The following SLC25A21 variants were observed in gnomAD, a reference collection of about 807,000 sequenced individuals.
SLC25A21 encodes the protein mitochondrial 2-oxodicarboxylate carrier.
Under a neutral mutation model 43.8 loss-of-function variants are expected in SLC25A21, and 47 were observed. The ratio of observed to expected loss-of-function variants is 1.07; its 90% CI spans 0.85 to 1.37. The LOEUF is 1.37. SLC25A21 is among the 40% of genes most tolerant of loss of function. The probability of loss-of-function intolerance (pLI) is 0.00; values close to 1 mark genes in which losing one functional copy is unlikely to be tolerated. For synonymous variants in SLC25A21, 131 were observed against 121.3 expected, an observed-to-expected ratio of 1.08 and a Z score of -0.52; for missense variants, 352 against 350.2, an observed-to-expected ratio of 1.00 and a Z score of -0.04.
intron 7 of SLC25A21, among the ~76,000 whole-genome samples, chr14:36,699,623 C>G (rs549331849): frequency 6.6e-6 from 1 of 152,164 alleles, no homozygotes; most frequent in Non-Finnish European, 1.5e-5. Flanking sequence ...GCTTCCTGGC[C>G]GCTTTGTTTA....
chr14:36,733,378 G>T (rs1056987627), intron 4 of SLC25A21, among the ~76,000 whole-genome samples: 1 of 152,140 alleles, frequency 6.6e-6, no homozygotes, highest in South Asian at 2.1e-4. Context: ...AATTTGTATT[G>T]AAGTGATACT....
intron 3 of SLC25A21, among the ~76,000 whole-genome samples, chr14:36,789,979 AT>A (rs913497155): frequency 8.3e-5 from 11 of 131,944 alleles, no homozygotes; most frequent in Non-Finnish European, 7.8e-5. Context: ...TATATTAAAA[AT>A]ATATATATAT....
chr14:37,000,675 CAT>C (rs1017618769), intron 1 of SLC25A21, among the ~76,000 whole-genome samples: 2 of 152,188 alleles, frequency 1.3e-5, no homozygotes, highest in African/African-American at 2.4e-5. Context: ...GTAATCCCCA[CAT>C]GTCAGGGGAG....
At chr14:36,926,500 G>A (rs1301784874) in intron 1 of SLC25A21, among the ~76,000 whole-genome samples, 2 of 152,092 alleles carry the variant, frequency 1.3e-5, no homozygotes, top group Non-Finnish European at 2.9e-5. Context: ...AGGTGGGTGG[G>A]ACACTAAAAA....
At chr14:36,819,643 C>T (rs1888563334) in intron 2 of SLC25A21, among the ~76,000 whole-genome samples, 1 of 152,144 alleles carries the variant, frequency 6.6e-6, no homozygotes, top group South Asian at 2.1e-4. Flanking sequence ...TATGCAGTGC[C>T]TTTATTTCCA....
rs1303990571 is a variant in SLC25A21, at chr14:37,172,424, C to G, written c.-74G>C. ...CTCGCAGCCTGCACAGCCTACTGATCCAGAGAGCCCCGGCTGGGCTGGTCC... is the reference window on the plus strand; with the variant it reads ...CTCGCAGCCTGCACAGCCTACTGATGCAGAGAGCCCCGGCTGGGCTGGTCC... On this transcript the variant is annotated 5_prime_UTR_variant, in exon 1 of 10. Coordinates refer to ENST00000331299, the MANE Select transcript of SLC25A21 (RefSeq NM_030631.4). The G allele has an allele frequency of 6.9e-7, 1 of 1,457,642 alleles. No individual in the cohort carries two copies. The highest frequency in any genetic ancestry group is 9.4e-7 in the Non-Finnish European group (1 of 1,061,036). The allele number at this position is 1,457,642 out of a possible 1,614,324, so 90.3% of individuals were successfully genotyped here.
At chr14:37,067,787 C>T (rs1962091391) in intron 1 of SLC25A21, among the ~76,000 whole-genome samples, 1 of 152,142 alleles carries the variant, frequency 6.6e-6, no homozygotes, top group Admixed American at 6.6e-5. Flanking sequence ...TAAGCATGTG[C>T]TCAGAATACA....
chr14:37,098,592 T>C (rs1566879965), intron 1 of SLC25A21: 1 of 152,160 alleles, frequency 6.6e-6, no homozygotes, highest in Non-Finnish European at 1.5e-5. Context: ...CTATCTGCTT[T>C]AACAGGAAGA....
chr14:36,720,987 G>A (rs578157630), intron 6 of SLC25A21, among the ~76,000 whole-genome samples: 2 of 152,328 alleles, frequency 1.3e-5, no homozygotes, highest in Non-Finnish European at 2.9e-5. Flanking sequence ...TGCTCAGTGA[G>A]CTGTGCTGGT....
intron 1 of SLC25A21, among the ~76,000 whole-genome samples, chr14:37,065,236 T>C (rs1444035211): frequency 6.6e-6 from 1 of 152,178 alleles, no homozygotes; most frequent in Non-Finnish European, 1.5e-5. Flanking sequence ...GCAGAGATTA[T>C]ACTGTGACAA....
Position 36,909,811 on chromosome 14 carries a change from C to T in SLC25A21, c.71-34807G>A, listed in dbSNP as rs533864043. Among the ~76,000 whole-genome samples the T allele has an allele frequency of 7.2e-5, 11 of 152,288 alleles. No individual in the cohort carries two copies. In the East Asian group the frequency reaches 1.4e-3, roughly 19 times the overall value. Reference sequence around the variant, plus strand: ...AAACAAATGTCCAGTGCCCCTCCTACATCAGTAAACCACCTACAAGTAATC... The same window carrying T: ...AAACAAATGTCCAGTGCCCCTCCTATATCAGTAAACCACCTACAAGTAATC... On this transcript the variant is annotated intron_variant, in intron 1 of 9. Transcript: ENST00000331299.
At chr14:36,967,885 A>G (rs1287809434) in intron 1 of SLC25A21, among the ~76,000 whole-genome samples, 1 of 152,158 alleles carries the variant, frequency 6.6e-6, no homozygotes, top group Non-Finnish European at 1.5e-5. Flanking sequence ...ACAATCCTCA[A>G]TAATGCAGAA....
At chr14:36,907,523 C>A (rs1594684487) in intron 1 of SLC25A21, among the ~76,000 whole-genome samples, 1 of 152,162 alleles carries the variant, frequency 6.6e-6, no homozygotes, top group Non-Finnish European at 1.5e-5. Flanking sequence ...CCTTGGCTAT[C>A]ATCTACAAAC....
At chr14:36,801,139 C>A (rs141833653) in intron 3 of SLC25A21, among the ~76,000 whole-genome samples, 2 of 152,168 alleles carry the variant, frequency 1.3e-5, no homozygotes, top group Non-Finnish European at 2.9e-5. Context: ...GCCCTTCCAC[C>A]TGGCTGGACT....
intron 1 of SLC25A21, among the ~76,000 whole-genome samples, chr14:37,108,506 A>T (rs1281963283): frequency 6.6e-6 from 1 of 152,228 alleles, no homozygotes; most frequent in Non-Finnish European, 1.5e-5. Flanking sequence ...AAAAATGAAC[A>T]GAATGAAAAG....
chr14:37,125,631 G>A (rs1012681277), intron 1 of SLC25A21, among the ~76,000 whole-genome samples: 2 of 152,168 alleles, frequency 1.3e-5, no homozygotes, highest in South Asian at 2.1e-4. Context: ...TTGGTAGAGG[G>A]TTAAGTGAGA....
intron 2 of SLC25A21, among the ~76,000 whole-genome samples, chr14:36,860,156 A>C (rs1890027332): frequency 6.6e-6 from 1 of 151,772 alleles, no homozygotes; most frequent in Non-Finnish European, 1.5e-5. Context: ...AAAGAGAGAC[A>C]CACGGGAGGC....
chr14:36,878,734 A>G (rs111804552), intron 1 of SLC25A21, among the ~76,000 whole-genome samples: 6 of 152,286 alleles, frequency 3.9e-5, no homozygotes, highest in African/African-American at 1.2e-4. Context: ...AAAGAAGATG[A>G]CTCTGAAATA....
At chr14:37,000,412 C>T (rs1249688786) in intron 1 of SLC25A21, among the ~76,000 whole-genome samples, 1 of 152,160 alleles carries the variant, frequency 6.6e-6, no homozygotes, top group African/African-American at 2.4e-5. Context: ...TCAAAACCCT[C>T]CAATGGCTTT....
Sources: allele counts gnomAD v4.1 joint callset (sites outside exome capture counted in the v4.1 genomes callset), GRCh38; gene constraint gnomAD v4.1.1; transcripts MANE v1.5; gene names NCBI Gene and HGNC (gene_info 2026-07-23, HGNC 2026-07-21).